Variants in NRXN3 observed in about 807,000 individuals in gnomAD.
The protein encoded by NRXN3 is neurexin III.
In NRXN3, 32 loss-of-function variants were observed where a neutral mutation model predicts 137.6. That is an observed-to-expected ratio of 0.23 (90% confidence interval 0.18 to 0.31). The LOEUF (loss-of-function observed/expected upper bound fraction) is 0.31. Among genes scored for constraint, NRXN3 ranks in the 10% least tolerant of loss-of-function variants. The probability of loss-of-function intolerance (pLI) is 1.00; values close to 1 mark genes in which losing one functional copy is unlikely to be tolerated. For synonymous variants in NRXN3, 798 were observed against 784.5 expected (o/e 1.02, Z -0.29); for missense variants, 1,574 against 2,062.5 (o/e 0.76, Z 4.59).
intron 4 of NRXN3, among the ~76,000 whole-genome samples, chr14:78,539,563 C>T (rs1222299558): frequency 6.6e-6 from 1 of 152,004 alleles, no homozygotes; most frequent in African/African-American, 2.4e-5. Flanking sequence ...AAAACCAGCC[C>T]CTGGATTCAT....
intron 19 of NRXN3, among the ~76,000 whole-genome samples, chr14:79,760,114 A>G (rs991152411): frequency 2.0e-5 from 3 of 151,720 alleles, no homozygotes; most frequent in Non-Finnish European, 4.4e-5. Flanking sequence ...TGAGTACATC[A>G]GCACATAAAA....
intron 4 of NRXN3, among the ~76,000 whole-genome samples, chr14:78,457,032 C>T (rs1177314262): frequency 6.8e-6 from 1 of 147,926 alleles, no homozygotes; most frequent in Non-Finnish European, 1.5e-5. Context: ...CTTCCCTCCC[C>T]CATCCCCTCT....
chr14:78,926,884 A>ATT lies in NRXN3; in HGVS notation c.2276-30356_2276-30355dup, dbSNP rs1247197423. 2.8e-4 allele frequency among the ~76,000 whole-genome samples: 6 copies of ATT among 21,506 alleles called. 1 individual carries two copies. The highest frequency in any genetic ancestry group is 2.7e-3 in the African/African-American group (6 of 2,198). 14.1% of individuals were successfully genotyped at this position (21,506 alleles called of 152,430 possible). ...ATAATATATATATAATATATAATATATTTATATATATATATAATATATATA... is the reference window on the plus strand; with the variant it reads ...ATAATATATATATAATATATAATATATTTTTATATATATATATAATATATATA... On this transcript the variant is annotated intron_variant, in intron 10 of 20. Transcript: ENST00000335750.
intron 4 of NRXN3, among the ~76,000 whole-genome samples, chr14:78,516,605 T>C (rs562726124): frequency 5.9e-5 from 9 of 152,092 alleles, no homozygotes; most frequent in African/African-American, 2.2e-4. Flanking sequence ...TCAACATCCA[T>C]GCTTGCAGTA....
chr14:79,306,571 A>T (rs1177327820), intron 15 of NRXN3, among the ~76,000 whole-genome samples: 1 of 152,064 alleles, frequency 6.6e-6, no homozygotes, highest in African/African-American at 2.4e-5. Context: ...TTTAATGACT[A>T]CTCATTAACA....
chr14:79,832,218 G>A (rs1003176853), intron 20 of NRXN3, among the ~76,000 whole-genome samples: 1 of 152,056 alleles, frequency 6.6e-6, no homozygotes, highest in African/African-American at 2.4e-5. Flanking sequence ...AATGAGTCGA[G>A]GGCAGGTAGA....
chr14:79,355,249 G>GCCCCCCC (rs1555395408), intron 15 of NRXN3, among the ~76,000 whole-genome samples: 4 of 147,834 alleles, frequency 2.7e-5, no homozygotes, highest in African/African-American at 1.1e-4. Context: ...GGGCTTTTCT[G>GCCCCCCC]TCCCCCACCC....
chr14:78,853,825 C>T (rs941572913), intron 10 of NRXN3, among the ~76,000 whole-genome samples: 14 of 152,180 alleles, frequency 9.2e-5, no homozygotes, highest in African/African-American at 3.1e-4. Flanking sequence ...TACCCAAAGT[C>T]CTCTTCCCCA....
chr14:79,381,105 G>A (rs903219110), intron 15 of NRXN3, among the ~76,000 whole-genome samples: 1 of 151,892 alleles, frequency 6.6e-6, no homozygotes, highest in Admixed American at 6.6e-5. Context: ...GTTCTATTAG[G>A]TGTTAACAGG....
At chr14:78,470,478 A>G (rs1418122006) in intron 4 of NRXN3, among the ~76,000 whole-genome samples, 2 of 152,102 alleles carry the variant, frequency 1.3e-5, no homozygotes, top group Non-Finnish European at 2.9e-5. Flanking sequence ...CCTCGTCAGT[A>G]ATCAAGAGAT....
At chr14:79,484,201 G>A (rs1341484915) in intron 16 of NRXN3, among the ~76,000 whole-genome samples, 1 of 152,036 alleles carries the variant, frequency 6.6e-6, no homozygotes, top group Non-Finnish European at 1.5e-5. Flanking sequence ...TACATTCCTG[G>A]GAGAAAAGAG....
At chr14:78,553,169 A>G (rs1004629536) in intron 4 of NRXN3, among the ~76,000 whole-genome samples, 4 of 151,996 alleles carry the variant, frequency 2.6e-5, no homozygotes, top group African/African-American at 9.7e-5. Context: ...TTTGGCTACT[A>G]TTTGCATGTC....
At position 79,854,667 on chromosome 14, in the gene NRXN3, T is replaced by C. The variant is rs376982437; in HGVS notation, c.4094-6675T>C. 1.2e-4 allele frequency among the ~76,000 whole-genome samples: 18 copies of C among 152,180 alleles called. 1 individual carries two copies. The highest frequency in any genetic ancestry group is 7.7e-4 in the East Asian group (4 of 5,192). ...CTCTATTTGGTATCTTAAAATTGTTTCCAGCCAGTGGGAGGCCTGTACCCT... is the reference window on the plus strand; with the variant it reads ...CTCTATTTGGTATCTTAAAATTGTTCCCAGCCAGTGGGAGGCCTGTACCCT... On this transcript the variant is annotated intron_variant, in intron 20 of 20. Transcript: ENST00000335750.
chr14:79,098,145 T>G (rs2050673905), intron 15 of NRXN3, among the ~76,000 whole-genome samples: 1 of 152,288 alleles, frequency 6.6e-6, no homozygotes, highest in Middle Eastern at 3.4e-3. Flanking sequence ...GGATTTAAAA[T>G]GCTTTATTAT....
intron 15 of NRXN3, among the ~76,000 whole-genome samples, chr14:79,259,334 C>T (rs375071200): frequency 6.6e-6 from 1 of 151,758 alleles, no homozygotes; most frequent in African/African-American, 2.4e-5. Flanking sequence ...TATCTTCCAG[C>T]TTTTTTTTCC....
intron 10 of NRXN3, among the ~76,000 whole-genome samples, chr14:78,916,630 A>G (rs1231141162): frequency 6.6e-6 from 1 of 152,188 alleles, no homozygotes; most frequent in Admixed American, 6.5e-5. Flanking sequence ...AGGCTAGTTC[A>G]TGTTCAGCCA....
At position 79,467,267 on chromosome 14, in the gene NRXN3, C is replaced by T; in HGVS notation, c.3309C>T (p.Tyr1103=). 3 of 1,612,684 alleles carry T rather than the reference C, an allele frequency of 1.9e-6. No homozygotes were observed. Among genetic ancestry groups the T allele is most frequent in the South Asian group, 1.1e-5 (1 of 91,022 alleles). The change falls in exon 16 of 21, where the codon TAC becomes TAT. Residue 1103 remains tyrosine, a synonymous_variant. Transcript: ENST00000335750. ...GGAAAAGTGGTGGGCTTATCCTCTA[C>T]ACCTGGCCAGCCAATGACAGGCCCA... The part of the protein sequence containing the change: ...IFGKSGGLIL[Y]TWPANDRPST...
At chr14:79,810,983 T>A (rs1459699868) in intron 20 of NRXN3, among the ~76,000 whole-genome samples, 1 of 152,248 alleles carries the variant, frequency 6.6e-6, no homozygotes, top group Non-Finnish European at 1.5e-5. Context: ...AAGTTTGAAG[T>A]TAGCAACCTG....
intron 1 of NRXN3, among the ~76,000 whole-genome samples, chr14:78,223,348 ATTTTGTGGGACTGG>A (rs2064080642): frequency 6.6e-6 from 1 of 152,176 alleles, no homozygotes; most frequent in Non-Finnish European, 1.5e-5. Flanking sequence ...CCTTCAGGGC[ATTTTGTGGGACTGG>A]TTTTCTATGG....
Sources: gnomAD v4.1 joint callset for allele counts (sites outside exome capture counted in the v4.1 genomes callset) on GRCh38, gnomAD v4.1.1 for gene constraint, MANE v1.5 for transcripts, NCBI Gene and HGNC (gene_info 2026-07-23, HGNC 2026-07-21) for gene names.